The following SNRNP40 variants were observed in gnomAD, a reference collection of about 807,000 sequenced individuals.
The protein encoded by SNRNP40 is small nuclear ribonucleoprotein U5 subunit 40.
Under a neutral mutation model 45.8 loss-of-function variants are expected in SNRNP40, and 21 were observed. That is an observed-to-expected ratio of 0.46 (90% CI 0.32 to 0.66). The LOEUF is 0.66. Ranked by LOEUF, SNRNP40 falls within the 30% of genes least tolerant of loss-of-function variation. SNRNP40 has a pLI of 0.03. For synonymous variants in SNRNP40, 142 were observed against 163.8 expected (o/e 0.87, Z 1.01); for missense variants, 344 against 439.1 (o/e 0.78, Z 1.94).
At chr1:31,286,438 G>A (rs556919702) in intron 4 of SNRNP40, among the ~76,000 whole-genome samples, 2 of 152,222 alleles carry the variant, frequency 1.3e-5, no homozygotes, top group Admixed American at 6.5e-5. Context: ...GAAGCCATGT[G>A]TGACTCTTCC....
intron 4 of SNRNP40, among the ~76,000 whole-genome samples, chr1:31,286,946 T>C (rs188200483): frequency 4.4e-4 from 67 of 152,326 alleles, no homozygotes; most frequent in Middle Eastern, 6.8e-3. Context: ...TATGAGTACA[T>C]ACACACATAC....
chr1:31,261,321 C>T, intron 9 of SNRNP40: 2 of 556,924 alleles, frequency 3.6e-6, no homozygotes, highest in Non-Finnish European at 6.4e-6. Context: ...ATTGCTCCAA[C>T]CTGGGCAAAA....
chr1:31,261,799 G>C, intron 8 of SNRNP40, 167 bp from the exon 9 acceptor site: 1 of 518,750 alleles, frequency 1.9e-6, no homozygotes, highest in Admixed American at 3.5e-5. Context: ...AATAAGACAT[G>C]GACTCACCTC....
At chr1:31,271,187 C>T in intron 6 of SNRNP40, 192 bp downstream of exon 6, 1 of 519,972 alleles carries the variant, frequency 1.9e-6, no homozygotes, top group African/African-American at 1.9e-5. Context: ...GAAACTGATG[C>T]CTAGAGAGAA....
intron 4 of SNRNP40, among the ~76,000 whole-genome samples, chr1:31,285,845 T>G (rs1480187552): frequency 6.6e-6 from 1 of 152,232 alleles, no homozygotes. Flanking sequence ...TGATTAGATT[T>G]AAGTTATACA....
chr1:31,293,036 CA>C (rs1646117960), intron 2 of SNRNP40, 182 bp downstream of exon 2: 1 of 616,574 alleles, frequency 1.6e-6, no homozygotes, highest in Non-Finnish European at 2.8e-6. Flanking sequence ...GTATTTACCC[CA>C]TGGACTCCAA....
intron 4 of SNRNP40, chr1:31,281,922 G>A (rs1646019121): frequency 6.5e-6 from 1 of 152,782 alleles, no homozygotes; most frequent in South Asian, 2.1e-4. Flanking sequence ...AATAAACAAT[G>A]ACAAAAGCTT....
intron 8 of SNRNP40, among the ~76,000 whole-genome samples, chr1:31,262,761 T>G (rs1438169474): frequency 6.6e-6 from 1 of 152,062 alleles, no homozygotes; most frequent in Non-Finnish European, 1.5e-5. Context: ...GGCTCACATC[T>G]GTAATCCTAG....
intron 8 of SNRNP40, among the ~76,000 whole-genome samples, chr1:31,262,402 T>C (rs1322995481): frequency 2.0e-5 from 3 of 150,864 alleles, no homozygotes; most frequent in African/African-American, 4.9e-5. Context: ...GTGCCTGTAA[T>C]CCCAACTACT....
In SNRNP40 at chr1:31,291,996, A is replaced by G; in HGVS notation, c.282T>C (p.Asn94=). Residue 94 remains asparagine, a synonymous_variant, in exon 3 of 10, where the codon AAT becomes AAC. Coordinates refer to ENST00000263694, the MANE Select transcript of SNRNP40 (RefSeq NM_004814.3). ...AGFDRLILLW[N]VYGDCDNYAT... is the part of the protein sequence containing the mutation. ...CATAGTTATCACAGTCACCATAGAC[A>G]TTCCACAGTACTGTTAGGGAGATGG... 1 of 1,606,600 alleles carries G rather than the reference A, an allele frequency of 6.2e-7. No individual in the cohort carries two copies. Among genetic ancestry groups the G allele is most frequent in the Non-Finnish European group, 8.5e-7 (1 of 1,173,182 alleles).
intron 1 of SNRNP40, 79 bp from the exon 2 acceptor site, chr1:31,293,427 G>T: frequency 1.5e-6 from 2 of 1,369,946 alleles, no homozygotes; most frequent in South Asian, 2.9e-5. Flanking sequence ...GGAGTGGAGG[G>T]AAAAGACCAA....
chr1:31,280,000 C>T (rs1193541765), intron 5 of SNRNP40, among the ~76,000 whole-genome samples: 1 of 147,838 alleles, frequency 6.8e-6, no homozygotes, highest in Non-Finnish European at 1.5e-5. Context: ...CCCAGCTACT[C>T]AGGAGGCTGA....
chr1:31,286,106 G>A (rs1360799839), intron 4 of SNRNP40, among the ~76,000 whole-genome samples: 1 of 151,980 alleles, frequency 6.6e-6, no homozygotes, highest in Non-Finnish European at 1.5e-5. Context: ...ATTGCTATTG[G>A]GGTCTTGTTG....
intron 5 of SNRNP40, among the ~76,000 whole-genome samples, chr1:31,276,147 C>T (rs1645973363): frequency 6.6e-6 from 1 of 152,188 alleles, no homozygotes; most frequent in Admixed American, 6.6e-5. Context: ...TATATCCTTA[C>T]TTCATTTAAT....
intron 1 of SNRNP40, among the ~76,000 whole-genome samples, chr1:31,294,701 A>G (rs576135043): frequency 7.9e-5 from 12 of 152,240 alleles, no homozygotes; most frequent in African/African-American, 2.6e-4. Context: ...GCACTTTGGG[A>G]GGCTGAGGTG....
At chr1:31,292,319 G>A (rs1412949063) in intron 2 of SNRNP40, among the ~76,000 whole-genome samples, 3 of 152,150 alleles carry the variant, frequency 2.0e-5, no homozygotes, top group African/African-American at 4.8e-5. Context: ...CCGAGATCGC[G>A]CCACGGCACT....
At chr1:31,279,543 T>A (rs1435616653) in intron 5 of SNRNP40, among the ~76,000 whole-genome samples, 5 of 151,084 alleles carry the variant, frequency 3.3e-5, no homozygotes, top group Non-Finnish European at 7.4e-5. Context: ...AGGTCAGGAG[T>A]TCGAGACCAG....
intron 5 of SNRNP40, among the ~76,000 whole-genome samples, chr1:31,275,850 C>A (rs1018872564): frequency 2.0e-4 from 30 of 152,204 alleles, no homozygotes; most frequent in African/African-American, 7.2e-4. Flanking sequence ...TGCCAGAAAA[C>A]AATATGGCAG....
chr1:31,274,001 T>C (rs1175481254), intron 5 of SNRNP40, among the ~76,000 whole-genome samples: 1 of 151,332 alleles, frequency 6.6e-6, no homozygotes, highest in Non-Finnish European at 1.5e-5. Flanking sequence ...AGTGGAAGGG[T>C]ATTTACTAGG....
Sources: gnomAD v4.1 joint callset for allele counts (sites outside exome capture counted in the v4.1 genomes callset) on GRCh38, gnomAD v4.1.1 for gene constraint, MANE v1.5 for transcripts, NCBI Gene and HGNC (gene_info 2026-07-23, HGNC 2026-07-21) for gene names.